UNC79: variants seen among roughly 807,000 people sequenced by gnomAD.
UNC79 encodes the protein protein unc-79 homolog.
UNC79 carries 37 observed loss-of-function variants against 283.1 expected under a neutral mutation model. That is an observed-to-expected ratio of 0.13 (90% CI 0.10 to 0.17). The LOEUF (loss-of-function observed/expected upper bound fraction) is 0.17, where lower values mean the gene tolerates loss of function less well. UNC79 is among the 10% of genes least tolerant of loss of function. The pLI is 1.00. For missense variants in UNC79, 2,272 were observed against 3,211.1 expected (o/e 0.71, Z 7.07); for synonymous variants, 1,107 against 1,200.2 (o/e 0.92, Z 1.61).
chr14:93,524,215 A>G (rs1413178633), intron 8 of UNC79, among the ~76,000 whole-genome samples, 173 bp downstream of exon 8: 2 of 152,196 alleles, frequency 1.3e-5, no homozygotes, highest in African/African-American at 2.4e-5. Context: ...AGAGAGAGCA[A>G]TGAATAGCGT....
intron 13 of UNC79, among the ~76,000 whole-genome samples, chr14:93,541,270 TATG>T (rs1352434140): frequency 1.3e-5 from 2 of 152,242 alleles, no homozygotes; most frequent in Non-Finnish European, 2.9e-5. Context: ...TTTGTGTGTT[TATG>T]ATATGTCTAT....
intron 30 of UNC79, among the ~76,000 whole-genome samples, chr14:93,625,557 C>A (rs533643652): frequency 6.6e-6 from 1 of 152,282 alleles, no homozygotes. Context: ...CATTGCAGAC[C>A]TTATTATTTG....
chr14:93,572,470 C>T (rs1398813202), intron 15 of UNC79, among the ~76,000 whole-genome samples: 1 of 151,540 alleles, frequency 6.6e-6, no homozygotes, highest in Non-Finnish European at 1.5e-5. Flanking sequence ...TGAGGAAGAA[C>T]AGTAATGTTA....
At chr14:93,656,449 T>TA (rs370069555) in intron 38 of UNC79, among the ~76,000 whole-genome samples, 2,159 of 143,274 alleles carry the variant, frequency 0.015, 25 homozygotes, top group Middle Eastern at 0.053. Context: ...TACGAAAGAT[T>TA]AAAAAAAAAA....
intron 47 of UNC79, among the ~76,000 whole-genome samples, chr14:93,698,845 G>A (rs1363417537): frequency 6.6e-6 from 1 of 152,150 alleles, no homozygotes; most frequent in African/African-American, 2.4e-5. Flanking sequence ...ATGGCATAAT[G>A]TAAGTCAAGA....
chr14:93,656,912 G>T (rs1024632299), intron 38 of UNC79, among the ~76,000 whole-genome samples: 1 of 152,150 alleles, frequency 6.6e-6, no homozygotes, highest in Non-Finnish European at 1.5e-5. Flanking sequence ...TTACCTATTA[G>T]TAGCTCCACT....
At chr14:93,656,530 T>A (rs901990300) in intron 38 of UNC79, among the ~76,000 whole-genome samples, 2 of 152,270 alleles carry the variant, frequency 1.3e-5, no homozygotes, top group East Asian at 1.9e-4. Context: ...GGCATGCACC[T>A]GTAGTCCCAG....
At chr14:93,612,711 G>T in intron 26 of UNC79, 86 bp from the exon 28 acceptor site, 1 of 1,512,954 alleles carries the variant, frequency 6.6e-7, no homozygotes, top group Non-Finnish European at 8.9e-7. Context: ...CAGAAACAAG[G>T]GTGCCTTATC....
intron 14 of UNC79, among the ~76,000 whole-genome samples, chr14:93,563,113 A>G (rs966700613): frequency 2.6e-5 from 4 of 152,148 alleles, no homozygotes; most frequent in African/African-American, 7.2e-5. Context: ...CTGGAAGGAG[A>G]TATTTTCCTT....
rs184651016 is a variant in UNC79, at chr14:93,531,633, G to C, written c.1094-917G>C. 9.8e-4 allele frequency among the ~76,000 whole-genome samples: 150 copies of C among 152,334 alleles called. No individual in the cohort carries two copies. Among genetic ancestry groups the C allele is most frequent in the Non-Finnish European group, 1.4e-3 (94 of 68,030 alleles). ...AGCTGGTTTTACACACACACGTTAA[G>C]AGTGATATAAATTGATAATTTAAAT... is the stretch of plus-strand genomic sequence containing the variant. On this transcript the variant is annotated intron_variant, in intron 10 of 48. Coordinates refer to ENST00000555664, the Ensembl canonical transcript of UNC79. The surrounding 1 kb of genome is among the most constrained non-coding windows in gnomAD (Gnocchi z 4.2).
chr14:93,385,561 T>C (rs1430292480), intron 1 of UNC79, among the ~76,000 whole-genome samples: 1 of 152,014 alleles, frequency 6.6e-6, no homozygotes, highest in Non-Finnish European at 1.5e-5. Flanking sequence ...GGCGGATCAC[T>C]TGAGGCCAGG....
At chr14:93,503,000 C>CT (rs983088670) in intron 7 of UNC79, among the ~76,000 whole-genome samples, 1 of 152,082 alleles carries the variant, frequency 6.6e-6, no homozygotes, top group African/African-American at 2.4e-5. Context: ...TGTTTTAAAA[C>CT]TTTTTTACCT....
chr14:93,525,681 T>C (rs1208906039), intron 8 of UNC79, among the ~76,000 whole-genome samples: 3 of 152,160 alleles, frequency 2.0e-5, no homozygotes, highest in African/African-American at 7.2e-5. Flanking sequence ...ATTATCCTTC[T>C]TTTCTTCCTC....
intron 7 of UNC79, among the ~76,000 whole-genome samples, chr14:93,517,391 C>T (rs2060119160): frequency 7.3e-6 from 1 of 137,008 alleles, no homozygotes; most frequent in Non-Finnish European, 1.5e-5. Flanking sequence ...AGTGGACGTC[C>T]TTGTTCTTTC....
intron 18 of UNC79, 73 bp downstream of exon 18, chr14:93,578,136 A>G: frequency 2.2e-6 from 3 of 1,384,622 alleles, no homozygotes; most frequent in Non-Finnish European, 3.0e-6. Flanking sequence ...AATTCTTTCC[A>G]TGTGTTGGGC....
At chr14:93,637,917 A>G (rs566486092) in intron 32 of UNC79, among the ~76,000 whole-genome samples, 18 of 152,168 alleles carry the variant, frequency 1.2e-4, no homozygotes, top group Non-Finnish European at 2.4e-4. Context: ...TTTCTAGAAT[A>G]TTGAGGTCAT....
intron 1 of UNC79, among the ~76,000 whole-genome samples, chr14:93,386,404 G>T (rs12437157): frequency 0.54 from 82,377 of 151,940 alleles, 22,903 homozygotes; most frequent in Admixed American, 0.65. Flanking sequence ...GCATCAATAT[G>T]TATCAGTGAT....
In UNC79 at chr14:93,621,529, G is replaced by C; in HGVS notation, c.4388-92G>C. The C allele has an allele frequency of 7.3e-7, 1 of 1,375,554 alleles. No homozygotes were observed. Among genetic ancestry groups the C allele is most frequent in the Middle Eastern group, 2.6e-4 (1 of 3,830 alleles). The allele number at this position is 1,375,554 out of a possible 1,614,324, so 85.2% of individuals were successfully genotyped here. ...CTCCTGGTGGAGCTGGGATTGTGAT[G>C]ATGATTTATGCCAATTGTATGCCCA... is the stretch of plus-strand genomic sequence containing the variant. On this transcript the variant is annotated intron_variant, in intron 29 of 48. Coordinates refer to ENST00000555664, the Ensembl canonical transcript of UNC79. This position sits in a 1 kb window ranked among gnomAD's most constrained non-coding sequence, Gnocchi z 4.8.
intron 1 of UNC79, among the ~76,000 whole-genome samples, chr14:93,420,546 T>A (rs1290502918): frequency 6.6e-6 from 1 of 151,746 alleles, no homozygotes; most frequent in African/African-American, 2.4e-5. Context: ...ATTGGACAGA[T>A]CTTCCAGACA....
Sources: gnomAD v4.1 joint callset for allele counts (sites outside exome capture counted in the v4.1 genomes callset) on GRCh38, gnomAD v4.1.1 for gene constraint, Gnocchi (gnomAD v3.1) non-coding constraint, MANE v1.5 for transcripts, NCBI Gene and HGNC (gene_info 2026-07-23, HGNC 2026-07-21) for gene names.